NUDT4: variants seen among roughly 807,000 people sequenced by gnomAD.
NUDT4 encodes nudix hydrolase 4, also known as diphosphoinositol polyphosphate phosphohydrolase 2.
In NUDT4, 5 loss-of-function variants were observed where a neutral mutation model predicts 23.1. The observed-to-expected ratio is 0.22, with a 90% CI of 0.11 to 0.46. The LOEUF is 0.46. NUDT4 is among the 20% of genes least tolerant of loss of function. The pLI is 0.99. For synonymous variants in NUDT4, 50 were observed against 79.0 expected (o/e 0.63, Z 1.95); for missense variants, 96 against 211.6 (o/e 0.45, Z 3.39).
In NUDT4 at chr12:93,407,260, CAA is replaced by C. The variant is rs1330188310; in HGVS notation, c.*7884_*7885del. On this transcript the variant is annotated 3_prime_UTR_variant, in exon 5 of 5. Coordinates refer to ENST00000415493, the MANE Select transcript of NUDT4 (RefSeq NM_019094.6). ...TGGAGATGTTCATCTGGCCTGAATC[CAA>C]AAGTCTGTCCAAGTTACTTCTCTTT... 6.6e-6 allele frequency: 1 copy of C among 152,308 alleles called. No homozygotes were observed. Among genetic ancestry groups the C allele is most frequent in the African/African-American group, 2.4e-5 (1 of 41,440 alleles). 9.4% of individuals were successfully genotyped at this position (152,308 alleles called of 1,614,324 possible).
intron 1 of NUDT4, among the ~76,000 whole-genome samples, chr12:93,380,381 C>T (rs1184472165): frequency 6.6e-6 from 1 of 152,100 alleles, no homozygotes; most frequent in Non-Finnish European, 1.5e-5. Context: ...TATTTTTATG[C>T]TTGGATATTA....
intron 1 of NUDT4, 74 bp downstream of exon 1, chr12:93,378,495 C>T: frequency 1.4e-6 from 2 of 1,380,692 alleles, no homozygotes; most frequent in Non-Finnish European, 1.9e-6. Flanking sequence ...CCTCGCTCCC[C>T]GCCCCTGCGC....
rs1877136662 is a variant in NUDT4 at position 93,398,826 on chromosome 12, T to G, written c.311T>G (p.Leu104Ter). 2 of 1,599,886 alleles carry G rather than the reference T, an allele frequency of 1.3e-6. No individual in the cohort carries two copies. Among genetic ancestry groups the G allele is most frequent in the African/African-American group, 2.7e-5 (2 of 74,652 alleles). ...YVYVLTVTEI[L>*]EDWEDSVNIG... Reference sequence around the variant, plus strand: ...TATGTTCTAACAGTCACTGAAATATTAGAAGATTGGGAAGATTCTGTTAAT... The same window carrying G: ...TATGTTCTAACAGTCACTGAAATATGAGAAGATTGGGAAGATTCTGTTAAT... The change falls in exon 4 of 5, where the codon TTA becomes TGA. Residue 104 changes from leucine (L) to a stop codon, truncating the protein, a stop_gained. Transcript: ENST00000415493. LOFTEE classifies it high-confidence loss of function.
intron 3 of NUDT4, 126 bp from the exon 4 acceptor site, chr12:93,398,645 A>G (rs1877117630): frequency 1.6e-6 from 1 of 630,172 alleles, no homozygotes; most frequent in African/African-American, 1.9e-5. Flanking sequence ...AACTGAATAT[A>G]CTTGCCTGTG....
At chr12:93,380,830 C>A (rs752501372) in intron 1 of NUDT4, among the ~76,000 whole-genome samples, 5 of 152,192 alleles carry the variant, frequency 3.3e-5, no homozygotes, top group Non-Finnish European at 7.3e-5. Flanking sequence ...CTTGAGCCCA[C>A]CTCTCTAGTT....
intron 1 of NUDT4, among the ~76,000 whole-genome samples, chr12:93,386,018 C>T (rs1876065723): frequency 6.9e-6 from 1 of 145,656 alleles, no homozygotes; most frequent in African/African-American, 2.5e-5. Flanking sequence ...TTCTGTTAGC[C>T]AGGCTGGAGT....
chr12:93,382,614 A>G (rs370372628), intron 1 of NUDT4, among the ~76,000 whole-genome samples: 50 of 151,768 alleles, frequency 3.3e-4, no homozygotes, highest in Middle Eastern at 3.4e-3. Context: ...TAAGTCCTTG[A>G]AGGTATTTCT....
chr12:93,382,522 C>T (rs973441370), intron 1 of NUDT4, among the ~76,000 whole-genome samples: 4 of 152,112 alleles, frequency 2.6e-5, no homozygotes, highest in Admixed American at 2.6e-4. Flanking sequence ...AGAGTTAAAT[C>T]TCAACTAGCA....
chr12:93,392,253 C>G lies in NUDT4; in HGVS notation c.100-2356C>G, dbSNP rs118055498. On this transcript the variant is annotated intron_variant, in intron 1 of 4. Coordinates refer to ENST00000415493, the MANE Select transcript of NUDT4 (RefSeq NM_019094.6). ...AAATATTCCTTTGTTTCCCCCCCCC[C>G]CTTTTTTTTTTCCTTTTTTTGAGAC... Among the ~76,000 whole-genome samples the G allele has an allele frequency of 0.015, 2,071 of 137,806 alleles. 170 individuals are homozygous for G. In the East Asian group the frequency reaches 0.21, roughly 14 times the overall value. The allele number at this position is 137,806 out of a possible 152,430, so 90.4% of individuals were successfully genotyped here. A position where few individuals can be genotyped will look rare whatever the true frequency, so the allele number is the denominator to read the frequency against.
Position 93,400,940 on chromosome 12 carries a change from T to A in NUDT4, c.*1561T>A, listed in dbSNP as rs1429309226. ...TTTTTTTATATAGACTTCAGCCCTTTGTAAATATTGTAACTGGGGAGTATA... is the reference window on the plus strand; with the variant it reads ...TTTTTTTATATAGACTTCAGCCCTTAGTAAATATTGTAACTGGGGAGTATA... On this transcript the variant is annotated 3_prime_UTR_variant, in exon 5 of 5. Coordinates refer to ENST00000415493, the MANE Select transcript of NUDT4 (RefSeq NM_019094.6). 4.6e-5 allele frequency: 7 copies of A among 152,410 alleles called. No homozygotes were observed. The highest frequency in any genetic ancestry group is 1.7e-4 in the African/African-American group (7 of 41,612). 9.4% of individuals were successfully genotyped at this position (152,410 alleles called of 1,614,324 possible).
At chr12:93,385,975 A>ATATATATATAC (rs1876059266) in intron 1 of NUDT4, among the ~76,000 whole-genome samples, 1 of 128,870 alleles carries the variant, frequency 7.8e-6, no homozygotes, top group African/African-American at 2.9e-5. Context: ...ATATATACAT[A>ATATATATATAC]ATTTTTTTTT....
chr12:93,404,918 T>A lies in NUDT4; in HGVS notation c.*5539T>A, dbSNP rs533578878. On this transcript the variant is annotated 3_prime_UTR_variant, in exon 5 of 5. Transcript: ENST00000415493. ...TTTTAATGTTTTAGGTTTTTTTTTT[T>A]TTAAAAAAAATACTATGCCCATTTG... 21 of 151,036 alleles carry A rather than the reference T, an allele frequency of 1.4e-4. No homozygotes were observed. Among genetic ancestry groups the A allele is most frequent in the African/African-American group, 4.9e-4 (20 of 40,646 alleles). The allele number at this position is 151,036 out of a possible 1,614,324, so 9.4% of individuals were successfully genotyped here.
At position 93,378,946 on chromosome 12, in the gene NUDT4, C is replaced by T. The variant is rs549549274; in HGVS notation, c.99+525C>T. ...CTAGTCTTGGCAATTCTTGTGGGTCCATGAACCCGCAAGCTGTTGGCATAA... is the reference window on the plus strand; with the variant it reads ...CTAGTCTTGGCAATTCTTGTGGGTCTATGAACCCGCAAGCTGTTGGCATAA... On this transcript the variant is annotated intron_variant, in intron 1 of 4. Coordinates refer to ENST00000415493, the MANE Select transcript of NUDT4 (RefSeq NM_019094.6). 3.9e-5 allele frequency among the ~76,000 whole-genome samples: 6 copies of T among 152,250 alleles called. No homozygotes were observed. In the East Asian group the frequency reaches 1.2e-3, roughly 29 times the overall value.
chr12:93,382,660 T>A (rs1875755987), intron 1 of NUDT4, among the ~76,000 whole-genome samples: 1 of 147,800 alleles, frequency 6.8e-6, no homozygotes, highest in African/African-American at 2.5e-5. Flanking sequence ...AAATAAGTAC[T>A]ATCCAAAGGT....
rs1323766482 is a variant in NUDT4, at chr12:93,399,158, A to G, written c.341-19A>G. The G allele has an allele frequency of 2.5e-6, 4 of 1,586,012 alleles. No individual in the cohort carries two copies. The highest frequency in any genetic ancestry group is 2.2e-5 in the East Asian group (1 of 44,780). On this transcript the variant is annotated intron_variant, in intron 4 of 4. Transcript: ENST00000415493. ...TTTAAAATGGACTGTCTTGTAACCA[A>G]TGTCATTCTTTTCTCTAGGAAGGAA...
chr12:93,386,606 T>G (rs1327282486), intron 1 of NUDT4, among the ~76,000 whole-genome samples: 3 of 151,570 alleles, frequency 2.0e-5, no homozygotes, highest in African/African-American at 7.3e-5. Context: ...CTATTAATAG[T>G]TGAGTTTTCC....
chr12:93,387,093 A>C (rs938579777), intron 1 of NUDT4, among the ~76,000 whole-genome samples: 30 of 152,018 alleles, frequency 2.0e-4, no homozygotes, highest in African/African-American at 7.2e-4. Flanking sequence ...CACCATGCCC[A>C]GCTACTTTTT....
intron 1 of NUDT4, among the ~76,000 whole-genome samples, chr12:93,384,797 C>G (rs1198149833): frequency 6.6e-6 from 1 of 151,622 alleles, no homozygotes; most frequent in Non-Finnish European, 1.5e-5. Context: ...CACTCTGTCA[C>G]CCAGGCTGGA....
rs1280168783 is a variant in NUDT4 at position 93,402,370 on chromosome 12, C to A, written c.*2991C>A. On this transcript the variant is annotated 3_prime_UTR_variant, in exon 5 of 5. Coordinates refer to ENST00000415493, the MANE Select transcript of NUDT4 (RefSeq NM_019094.6). ...CTTTGGGTAAGGTGTATGCTTTTAA[C>A]TTTGAAATGTATAAACACCCAGCGG... is the stretch of plus-strand genomic sequence containing the variant. 2.0e-5 allele frequency: 3 copies of A among 152,068 alleles called. No individual in the cohort carries two copies. The highest frequency in any genetic ancestry group is 2.9e-5 in the Non-Finnish European group (2 of 68,010). The allele number at this position is 152,068 out of a possible 1,614,324, so 9.4% of individuals were successfully genotyped here.
Sources: gnomAD v4.1 joint callset for allele counts (sites outside exome capture counted in the v4.1 genomes callset) on GRCh38, gnomAD v4.1.1 for gene constraint, MANE v1.5 for transcripts, NCBI Gene and HGNC (gene_info 2026-07-23, HGNC 2026-07-21) for gene names.